The following CCND3 variants were observed in gnomAD, a reference collection of about 807,000 sequenced individuals.
CCND3 encodes the protein G1/S-specific cyclin-D3.
Under a neutral mutation model 28.7 loss-of-function variants are expected in CCND3, and 9 were observed. That is an observed-to-expected ratio of 0.31 (90% CI 0.19 to 0.55). The LOEUF is 0.55. Ranked by LOEUF, CCND3 falls within the 20% of genes least tolerant of loss-of-function variation. CCND3 has a pLI of 0.93. For missense variants in CCND3, 315 were observed against 385.8 expected (o/e 0.82, Z 1.54); for synonymous variants, 164 against 163.9 (o/e 1.00, Z 0.00).
Position 41,935,382 on chromosome 6 carries a change from T to C in CCND3, c.*558A>G. The C allele has an allele frequency of 8.4e-6, 2 of 239,512 alleles. No homozygotes were observed. The highest frequency in any genetic ancestry group is 8.2e-6 in the Non-Finnish European group (1 of 122,338). The allele number at this position is 239,512 out of a possible 1,614,324, so 14.8% of individuals were successfully genotyped here. A position where few individuals can be genotyped will look rare whatever the true frequency, so the allele number is the denominator to read the frequency against. ...AGAAAGCAAAGCAAAGAGGAATTTA[T>C]AGCTTCTCTGGCTGAGGCCTAGGCC... On this transcript the variant is annotated 3_prime_UTR_variant, in exon 5 of 5. Transcript: ENST00000372991.
upstream of CCND3, among the ~76,000 whole-genome samples, chr6:41,945,832 G>C (rs6922320): frequency 0.012 from 1,806 of 152,252 alleles, 39 homozygotes; most frequent in African/African-American, 0.042. Context: ...AGCAGAAAAT[G>C]TCTTACCTGT....
At chr6:41,960,883 C>A (rs535063790) in intron 1 of CCND3, among the ~76,000 whole-genome samples, 40 of 152,140 alleles carry the variant, frequency 2.6e-4, no homozygotes, top group Non-Finnish European at 5.4e-4. Flanking sequence ...CATTCAATCC[C>A]CTTGCTAGTG....
chr6:42,021,267 G>C (rs1002619312), intron 1 of CCND3, among the ~76,000 whole-genome samples: 3 of 152,204 alleles, frequency 2.0e-5, no homozygotes, highest in Non-Finnish European at 4.4e-5. Flanking sequence ...ATAATATACA[G>C]AGAGTCTGGT....
chr6:42,021,114 G>C (rs1213410226), intron 1 of CCND3, among the ~76,000 whole-genome samples: 1 of 152,108 alleles, frequency 6.6e-6, no homozygotes, highest in African/African-American at 2.4e-5. Flanking sequence ...TTTTGAGAGA[G>C]AGAGAGAAAC....
At position 41,941,553 on chromosome 6, in the gene CCND3, G is replaced by A. The variant is rs778979671; in HGVS notation, c.97C>T (p.Arg33Cys). The change falls in exon 1 of 5, where the codon CGC becomes TGC. Residue 33 changes from arginine (R) to cysteine (C), a missense_variant. Transcript: ENST00000372991. This position sits in a 1 kb window ranked among gnomAD's most constrained non-coding sequence, Gnocchi z 6.1. ...GDQRVLQSLLRLEERYVPRAS... is the reference protein window; with the variant it reads ...GDQRVLQSLLCLEERYVPRAS... ...CGGGGTACGTAGCGCTCCTCCAGGC[G>A]GAGCAGGCTCTGCAGGACACGCTGG... The A allele has an allele frequency of 1.9e-6, 3 of 1,592,770 alleles. No individual in the cohort carries two copies. Among genetic ancestry groups the A allele is most frequent in the African/African-American group, 2.7e-5 (2 of 74,694 alleles).
rs938050528 is a variant in CCND3, at chr6:41,988,843, C to T, written c.-45-48258G>A. ...GCTCCCGAATAGCTGGGACTACAGG[C>T]GCCTGCCACCGCGCCCAGCTAATTT... On this transcript the variant is annotated intron_variant, in intron 1 of 4. Transcript: ENST00000372988. 3.9e-4 allele frequency among the ~76,000 whole-genome samples: 59 copies of T among 151,124 alleles called. 1 individual carries two copies. Among genetic ancestry groups the T allele is most frequent in the Non-Finnish European group, 8.1e-4 (55 of 67,704 alleles).
In CCND3 at chr6:42,005,162, CAAACCAAACCCAGCA is replaced by C. The variant is rs1582153645; in HGVS notation, c.-46+43324_-46+43338del. Among the ~76,000 whole-genome samples the C allele has an allele frequency of 2.0e-4, 30 of 152,236 alleles. No individual in the cohort carries two copies. The East Asian group carries it at 5.4e-3, about 27-fold the overall frequency. ...GCTGACACCTTGCTCAAAATATAAG[CAAACCAAACCCAGCA>C]GTGTATTAACAAGATAATGTATCAT... On this transcript the variant is annotated intron_variant, in intron 1 of 4. Transcript: ENST00000372988.
At chr6:42,043,990 C>T (rs1362761427) in intron 1 of CCND3, among the ~76,000 whole-genome samples, 1 of 152,324 alleles carries the variant, frequency 6.6e-6, no homozygotes, top group East Asian at 1.9e-4. Context: ...GGTGTCATGC[C>T]CTCTGAAGGG....
chr6:41,962,337 T>C (rs924687207), intron 1 of CCND3, among the ~76,000 whole-genome samples: 1 of 152,076 alleles, frequency 6.6e-6, no homozygotes. Context: ...TGACCTCAGG[T>C]GATCCACCTG....
At chr6:41,959,612 AG>A (rs1761649255) in intron 1 of CCND3, among the ~76,000 whole-genome samples, 1 of 149,916 alleles carries the variant, frequency 6.7e-6, no homozygotes, top group East Asian at 2.0e-4. Context: ...CACTTAAACC[AG>A]GGAGTCGGAG....
intron 1 of CCND3, among the ~76,000 whole-genome samples, chr6:42,041,360 G>C (rs1339483037): frequency 2.0e-5 from 3 of 152,244 alleles, no homozygotes; most frequent in South Asian, 2.1e-4. Flanking sequence ...TCAAAGAAAA[G>C]ATGGGAGTTC....
intron 1 of CCND3, among the ~76,000 whole-genome samples, chr6:41,977,307 T>C (rs1762212474): frequency 6.6e-6 from 1 of 152,180 alleles, no homozygotes; most frequent in Non-Finnish European, 1.5e-5. Flanking sequence ...CTGCATTTCA[T>C]AAAATAAAGA....
chr6:42,033,730 T>A (rs1418383576), intron 1 of CCND3, among the ~76,000 whole-genome samples: 9 of 151,260 alleles, frequency 6.0e-5, no homozygotes, highest in Admixed American at 5.3e-4. Flanking sequence ...CATACTGTAA[T>A]CCCAGCTACT....
At chr6:41,945,759 C>CT (rs1458100315), upstream of CCND3, among the ~76,000 whole-genome samples, 1 of 152,172 alleles carries the variant, frequency 6.6e-6, no homozygotes, top group African/African-American at 2.4e-5. Flanking sequence ...AACCTCTCTG[C>CT]TTCCTCTTTT....
intron 1 of CCND3, among the ~76,000 whole-genome samples, chr6:41,993,389 T>C (rs973520215): frequency 1.3e-5 from 2 of 150,660 alleles, no homozygotes; most frequent in African/African-American, 4.9e-5. Context: ...TATATCAATA[T>C]ATTTGTTAAG....
At chr6:41,940,223 T>G in intron 2 of CCND3, 147 bp downstream of exon 2, 2 of 708,820 alleles carry the variant, frequency 2.8e-6, no homozygotes, top group Non-Finnish European at 4.9e-6. Context: ...TGCCCCATCG[T>G]TTGTTCCACC....
chr6:42,027,672 C>A lies in CCND3; in HGVS notation c.-46+20829G>T, dbSNP rs552051147. Among the ~76,000 whole-genome samples the A allele has an allele frequency of 3.3e-5, 5 of 152,264 alleles. No homozygotes were observed. The South Asian group carries it at 1.0e-3, about 32-fold the overall frequency. On this transcript the variant is annotated intron_variant, in intron 1 of 4. Transcript: ENST00000372988. ...GGGCTTAACACCAGAGCCCAAATCT[C>A]CTCCTCACTGCTCACCAGCTGTGTA...
chr6:41,963,671 A>C (rs1020587266), intron 1 of CCND3, among the ~76,000 whole-genome samples: 36 of 152,238 alleles, frequency 2.4e-4, no homozygotes, highest in African/African-American at 7.7e-4. Flanking sequence ...TGTGTCCCAC[A>C]AAACATGGTA....
chr6:41,975,388 ACCT>A (rs1375543352), intron 1 of CCND3, among the ~76,000 whole-genome samples: 5 of 151,986 alleles, frequency 3.3e-5, no homozygotes, highest in Non-Finnish European at 2.9e-5. Flanking sequence ...TCCCAGGCCC[ACCT>A]CCTCAGCCTC....
Sources: allele counts gnomAD v4.1 joint callset (sites outside exome capture counted in the v4.1 genomes callset), GRCh38; gene constraint gnomAD v4.1.1; non-coding constraint Gnocchi (gnomAD v3.1); transcripts MANE v1.5; gene names NCBI Gene and HGNC (gene_info 2026-07-23, HGNC 2026-07-21).